Variants in GAS7 observed in about 807,000 individuals in gnomAD.
GAS7 encodes the protein growth arrest specific 7.
A neutral mutation model predicts 71.1 loss-of-function variants in GAS7; 28 were observed. The observed-to-expected ratio is 0.39, with a 90% CI of 0.29 to 0.54. GAS7 has a LOEUF of 0.54. GAS7 is among the 20% of genes least tolerant of loss of function. The pLI, the probability that GAS7 is intolerant of heterozygous loss-of-function variation, is 0.62. For synonymous variants in GAS7, 258 were observed against 245.8 expected, an observed-to-expected ratio of 1.05 and a Z score of -0.46; for missense variants, 436 against 627.8, an observed-to-expected ratio of 0.69 and a Z score of 3.27.
chr17:10,192,339 G>A (rs967274900), intron 1 of GAS7, among the ~76,000 whole-genome samples: 4 of 152,208 alleles, frequency 2.6e-5, no homozygotes, highest in African/African-American at 9.7e-5. Context: ...CCTTGCTGCT[G>A]TGAGTAATAA....
intron 9 of GAS7, among the ~76,000 whole-genome samples, chr17:9,927,805 G>T (rs950523173): frequency 6.6e-6 from 1 of 152,186 alleles, no homozygotes; most frequent in Non-Finnish European, 1.5e-5. Context: ...TCCAAACCTC[G>T]AGGAACTGAT....
At chr17:10,159,633 G>T (rs2074235939) in intron 1 of GAS7, among the ~76,000 whole-genome samples, 1 of 152,138 alleles carries the variant, frequency 6.6e-6, no homozygotes, top group African/African-American at 2.4e-5. Context: ...ACACAATCTA[G>T]AAGTCAAGAT....
In GAS7 at chr17:10,092,063, C is replaced by T. The variant is rs150561749; in HGVS notation, c.184-72166G>A. Among the ~76,000 whole-genome samples, 514 of 152,242 alleles carry T rather than the reference C, an allele frequency of 3.4e-3. 3 individuals are homozygous for T. The highest frequency in any genetic ancestry group is 6.8e-3 in the Middle Eastern group (2 of 294). On this transcript the variant is annotated intron_variant, in intron 1 of 13. Coordinates refer to ENST00000432992, the MANE Select transcript of GAS7 (RefSeq NM_201433.2). ...TGTCTATAGTGGCCTAAACAGTCTC[C>T]CCCGTTTCTCCCCCTATTCCAGACA...
At chr17:10,138,649 C>G (rs1417428879) in intron 1 of GAS7, among the ~76,000 whole-genome samples, 1 of 152,022 alleles carries the variant, frequency 6.6e-6, no homozygotes, top group Admixed American at 6.6e-5. Context: ...CACCTGTAAT[C>G]CCAGCTACTC....
chr17:10,005,167 AC>A (rs1423118456), intron 2 of GAS7, among the ~76,000 whole-genome samples: 1 of 149,926 alleles, frequency 6.7e-6, no homozygotes, highest in Non-Finnish European at 1.5e-5. Context: ...GTGTGTGCGC[AC>A]GCATGCATGT....
Position 9,915,593 on chromosome 17 carries a change from G to A in GAS7, c.*1635C>T, listed in dbSNP as rs1024554450. On this transcript the variant is annotated 3_prime_UTR_variant, in exon 14 of 14. Coordinates refer to ENST00000432992, the MANE Select transcript of GAS7 (RefSeq NM_201433.2). ...GGCATTTTTCTAATGTGAACTATAC[G>A]AAAGCAATTCTCATTCAATGAAAGA... 4 of 226,154 alleles carry A rather than the reference G, an allele frequency of 1.8e-5. No individual in the cohort carries two copies. Among genetic ancestry groups the A allele is most frequent in the East Asian group, 6.4e-5 (1 of 15,684 alleles). 14.0% of individuals were successfully genotyped at this position (226,154 alleles called of 1,614,324 possible).
rs192218359 is a variant in GAS7, at chr17:10,096,991, T to C, written c.184-77094A>G. Among the ~76,000 whole-genome samples the C allele has an allele frequency of 1.2e-4, 18 of 152,354 alleles. No homozygotes were observed. The East Asian group carries it at 3.5e-3, about 29-fold the overall frequency. On this transcript the variant is annotated intron_variant, in intron 1 of 13. Coordinates refer to ENST00000432992, the MANE Select transcript of GAS7 (RefSeq NM_201433.2). ...CCCTGCAGCTATGCCAGACATTTTC[T>C]AAATCAAAAACACAACAAATACCCC...
intron 1 of GAS7, among the ~76,000 whole-genome samples, chr17:10,088,254 AAT>A (rs1392471086): frequency 1.1e-4 from 16 of 147,038 alleles, no homozygotes; most frequent in Middle Eastern, 3.6e-3. Flanking sequence ...TAATAATAAT[AAT>A]AAATATGTAT....
chr17:9,911,438 G>C lies in GAS7; in HGVS notation c.*5790C>G, dbSNP rs2067433748. On this transcript the variant is annotated 3_prime_UTR_variant, in exon 14 of 14. Coordinates refer to ENST00000432992, the MANE Select transcript of GAS7 (RefSeq NM_201433.2). This position sits in a 1 kb window ranked among gnomAD's most constrained non-coding sequence, Gnocchi z 4.0. ...ACTAAAGTTTCCCTCAAACACCAAG[G>C]AACAGTCCTGAACACCACACGCAAT... 1 of 233,252 alleles carries C rather than the reference G, an allele frequency of 4.3e-6. No homozygotes were observed. The highest frequency in any genetic ancestry group is 8.5e-6 in the Non-Finnish European group (1 of 118,068). 14.4% of individuals were successfully genotyped at this position (233,252 alleles called of 1,614,324 possible).
At chr17:9,935,828 G>T (rs2068380565) in intron 8 of GAS7, among the ~76,000 whole-genome samples, 1 of 152,226 alleles carries the variant, frequency 6.6e-6, no homozygotes, top group Non-Finnish European at 1.5e-5. Context: ...GTTGACAATT[G>T]TCTCTGCCTG....
intron 1 of GAS7, among the ~76,000 whole-genome samples, chr17:10,092,863 G>A (rs746351873): frequency 5.9e-5 from 9 of 152,014 alleles, no homozygotes; most frequent in Non-Finnish European, 1.2e-4. Flanking sequence ...TGTATGTGTT[G>A]GCAAAATCTC....
intron 10 of GAS7, 77 bp from the exon 11 acceptor site, chr17:9,925,676 C>G: frequency 6.6e-7 from 1 of 1,522,486 alleles, no homozygotes; most frequent in South Asian, 1.1e-5. Flanking sequence ...AGCCCAGCTT[C>G]CCTTTGGAGT....
chr17:10,192,282 C>CA (rs2074508360), intron 1 of GAS7, among the ~76,000 whole-genome samples: 1 of 152,186 alleles, frequency 6.6e-6, no homozygotes, highest in African/African-American at 2.4e-5. Flanking sequence ...CATTTAAGTA[C>CA]AGAGGAATCC....
At chr17:9,979,022 C>A (rs550102263) in intron 3 of GAS7, among the ~76,000 whole-genome samples, 1 of 152,216 alleles carries the variant, frequency 6.6e-6, no homozygotes, top group African/African-American at 2.4e-5. Flanking sequence ...CCGGTGCTGG[C>A]AGTCAAAAAT....
chr17:9,925,472 T>C lies in GAS7; in HGVS notation c.1138+4A>G. On this transcript the variant is annotated splice_donor_region_variant and intron_variant, in intron 11 of 13. Transcript: ENST00000432992. ...ACCAGGCCAGGCGGGTGCCCAGCAC[T>C]TACCAGCCTGTGTGGACTTTCTCCG... The C allele has an allele frequency of 6.2e-7, 1 of 1,614,118 alleles. No individual in the cohort carries two copies. The highest frequency in any genetic ancestry group is 1.1e-5 in the South Asian group (1 of 91,084).
intron 2 of GAS7, among the ~76,000 whole-genome samples, chr17:10,014,418 G>A (rs2071908334): frequency 6.6e-6 from 1 of 152,100 alleles, no homozygotes; most frequent in African/African-American, 2.4e-5. Context: ...ATCATGTCAC[G>A]CCACCGCCTG....
At position 10,164,848 on chromosome 17, in the gene GAS7, GA is replaced by G. The variant is rs755151597; in HGVS notation, c.183+33359del. 9.6e-3 allele frequency among the ~76,000 whole-genome samples: 1,023 copies of G among 106,056 alleles called. 8 individuals carry two copies. Among genetic ancestry groups the G allele is most frequent in the Middle Eastern group, 0.025 (4 of 158 alleles). 69.6% of individuals were successfully genotyped at this position (106,056 alleles called of 152,430 possible). A position where few individuals can be genotyped will look rare whatever the true frequency, so the allele number is the denominator to read the frequency against. Reference sequence around the variant, plus strand: ...TCTCTAAAAATAATAATGAAAAAAGGAAAAAAAAAAAAAAAAAAGGCTGGGC... The same window carrying G: ...TCTCTAAAAATAATAATGAAAAAAGGAAAAAAAAAAAAAAAAAGGCTGGGC... On this transcript the variant is annotated intron_variant, in intron 1 of 13. Coordinates refer to ENST00000432992, the MANE Select transcript of GAS7 (RefSeq NM_201433.2).
intron 1 of GAS7, among the ~76,000 whole-genome samples, chr17:10,078,285 T>C (rs2073419162): frequency 6.6e-6 from 1 of 151,946 alleles, no homozygotes; most frequent in South Asian, 2.1e-4. Context: ...ACAGATGGGG[T>C]TTTGCCATGT....
intron 1 of GAS7, among the ~76,000 whole-genome samples, chr17:10,028,878 GA>G (rs1284711846): frequency 6.6e-6 from 1 of 152,152 alleles, no homozygotes; most frequent in Admixed American, 6.5e-5. Flanking sequence ...AAGGAAATGG[GA>G]AAAATGCAAA....
Sources: gnomAD v4.1 joint callset for allele counts (sites outside exome capture counted in the v4.1 genomes callset) on GRCh38, gnomAD v4.1.1 for gene constraint, Gnocchi (gnomAD v3.1) non-coding constraint, MANE v1.5 for transcripts, NCBI Gene and HGNC (gene_info 2026-07-23, HGNC 2026-07-21) for gene names.